MDM1: variants seen among roughly 807,000 people sequenced by gnomAD.
MDM1 encodes the protein Mdm1 nuclear protein.
In MDM1, 61 loss-of-function variants were observed where a neutral mutation model predicts 89.1. The ratio of observed to expected loss-of-function variants is 0.68; its 90% CI spans 0.56 to 0.85. The LOEUF is 0.85. MDM1 is among the 40% of genes least tolerant of loss of function. MDM1 has a pLI of 0.00. For synonymous variants in MDM1, 290 were observed against 294.1 expected, an observed-to-expected ratio of 0.99 and a Z score of 0.14; for missense variants, 820 against 846.5, an observed-to-expected ratio of 0.97 and a Z score of 0.39.
At position 68,326,948 on chromosome 12, in the gene MDM1, C is replaced by A; in HGVS notation, c.207G>T (p.Leu69=). 6.2e-7 allele frequency: 1 copy of A among 1,613,910 alleles called. No individual in the cohort carries two copies. The change falls in exon 3 of 15, where the codon CTG becomes CTT. Residue 69 remains leucine (L), a synonymous_variant. Transcript: ENST00000682720. ...TCTCTGAGATAGCTCCATTCCACTCCAGAGATTTTGAAATCTGTGGGTCAT... is the reference window on the plus strand; with the variant it reads ...TCTCTGAGATAGCTCCATTCCACTCAAGAGATTTTGAAATCTGTGGGTCAT... ...PYHDPQISKS[L]EWNGAISESN...
chr12:68,313,507 G>C lies in MDM1; in HGVS notation c.1685C>G (p.Pro562Arg). The C allele has an allele frequency of 6.2e-7, 1 of 1,613,680 alleles. No homozygotes were observed. The highest frequency in any genetic ancestry group is 8.5e-7 in the Non-Finnish European group (1 of 1,179,702). The change falls in exon 12 of 15, where the codon CCA (proline) becomes CGA (arginine). Residue 562 changes from proline (P) to arginine (R), a missense_variant. Coordinates refer to ENST00000682720, the MANE Select transcript of MDM1 (RefSeq NM_001354969.2). ...AGAGGTCATTCTTTTCCTCTGTTCTGGGGCTGGAGGCTTCATCTTAGATGG... is the reference window on the plus strand; with the variant it reads ...AGAGGTCATTCTTTTCCTCTGTTCTCGGGCTGGAGGCTTCATCTTAGATGG... Reference protein sequence around the residue: ...VSPSKMKPPAPEQRKRMTSQD... With the variant: ...VSPSKMKPPAREQRKRMTSQD...
chr12:68,302,957 A>G, intron 12 of MDM1, 85 bp from the exon 13 acceptor site: 8 of 1,245,080 alleles, frequency 6.4e-6, no homozygotes, highest in Non-Finnish European at 7.6e-6. Context: ...TGCAAAAAAC[A>G]TAACCAAAAA....
chr12:68,331,802 T>C (rs1480050), intron 1 of MDM1, among the ~76,000 whole-genome samples: 24,463 of 152,230 alleles, frequency 0.16, 2,629 homozygotes, highest in Admixed American at 0.25. Flanking sequence ...TATTTCTTTA[T>C]ACGCTGTCTT....
At chr12:68,326,545 A>G (rs1876009260) in intron 3 of MDM1, 112 bp downstream of exon 3, 1 of 1,608,314 alleles carries the variant, frequency 6.2e-7, no homozygotes, top group Non-Finnish European at 8.5e-7. Context: ...GACATTAGAC[A>G]AGAAAACAAC....
At chr12:68,329,306 C>T (rs1876454296) in intron 2 of MDM1, among the ~76,000 whole-genome samples, 1 of 152,226 alleles carries the variant, frequency 6.6e-6, no homozygotes. Context: ...GAGACACTCA[C>T]TCTTGCCCAC....
At chr12:68,301,498 T>C (rs561551795) in intron 13 of MDM1, among the ~76,000 whole-genome samples, 2 of 152,232 alleles carry the variant, frequency 1.3e-5, no homozygotes, top group Admixed American at 1.3e-4. Flanking sequence ...GGGTACAGTG[T>C]ACACTGCTTG....
chr12:68,307,335 T>A (rs552211412), intron 12 of MDM1, among the ~76,000 whole-genome samples: 33 of 152,200 alleles, frequency 2.2e-4, no homozygotes, highest in African/African-American at 7.0e-4. Flanking sequence ...ACGCTCTGAA[T>A]CTAAAATAAA....
chr12:68,318,033 C>T (rs1242001189), intron 7 of MDM1, among the ~76,000 whole-genome samples: 1 of 152,166 alleles, frequency 6.6e-6, no homozygotes, highest in Admixed American at 6.5e-5. Flanking sequence ...AGGGAAAACG[C>T]AGCACTTAAG....
intron 1 of MDM1, among the ~76,000 whole-genome samples, chr12:68,331,788 C>T (rs1204156333): frequency 6.6e-6 from 1 of 152,190 alleles, no homozygotes; most frequent in Non-Finnish European, 1.5e-5. Flanking sequence ...CGATGAAAAA[C>T]GTGTATTTCT....
intron 4 of MDM1, chr12:68,325,026 T>G (rs1875754571): frequency 2.0e-6 from 2 of 979,956 alleles, no homozygotes; most frequent in Non-Finnish European, 2.4e-6. Context: ...ATATTTTGTA[T>G]TTATTAAATA....
Position 68,313,437 on chromosome 12 carries a change from G to A in MDM1, c.1749+6C>T, listed in dbSNP as rs1310481247. ...TGAGATGCTTTTTTCCCCAAAACATGTTTACCTTAGTAAAATCATTCTTTG... is the reference window on the plus strand; with the variant it reads ...TGAGATGCTTTTTTCCCCAAAACATATTTACCTTAGTAAAATCATTCTTTG... On this transcript the variant is annotated splice_donor_region_variant and intron_variant, in intron 12 of 14. Transcript: ENST00000682720. The A allele has an allele frequency of 5.0e-6, 8 of 1,591,800 alleles. No individual in the cohort carries two copies. Among genetic ancestry groups the A allele is most frequent in the Non-Finnish European group, 6.9e-6 (8 of 1,160,456 alleles).
chr12:68,318,510 C>G (rs1213524492), intron 7 of MDM1, among the ~76,000 whole-genome samples: 1 of 152,126 alleles, frequency 6.6e-6, no homozygotes, highest in Non-Finnish European at 1.5e-5. Context: ...TATCAACAAT[C>G]TTTATTAATC....
In MDM1 at chr12:68,315,200, A is replaced by G. The variant is rs757996186; in HGVS notation, c.1277T>C (p.Ile426Thr). The G allele has an allele frequency of 3.7e-6, 6 of 1,614,004 alleles. No homozygotes were observed. The highest frequency in any genetic ancestry group is 3.3e-5 in the South Asian group (3 of 91,084). Residue 426 changes from isoleucine (I) to threonine (T), a missense_variant, in exon 10 of 15, where the codon ATC (isoleucine) becomes ACC (threonine). Transcript: ENST00000682720. ...ATTTTTCTGGGGCTGTTCTTCCACG[A>G]TATTTCCTTTTTCTTCTGGTTCTGT... Reference protein sequence around the residue: ...PSTEPEEKGNIVEEQPQKNTT... With the variant: ...PSTEPEEKGNTVEEQPQKNTT...
At chr12:68,331,321 T>C (rs1303227385) in intron 1 of MDM1, 100 bp from the exon 2 acceptor site, 12 of 756,642 alleles carry the variant, frequency 1.6e-5, no homozygotes, top group Non-Finnish European at 2.6e-5. Flanking sequence ...CAAAAGAGAC[T>C]TAAGACTGAA....
rs1871212843 is a variant in MDM1, at chr12:68,295,219, C to T, written c.*35G>A. On this transcript the variant is annotated 3_prime_UTR_variant, in exon 15 of 15. Transcript: ENST00000682720. Reference sequence around the variant, plus strand: ...AGTAAGCAATAAAGAAAAATTATGCCAATGTTTCCTTAGATAAAGGCAACT... The same window carrying T: ...AGTAAGCAATAAAGAAAAATTATGCTAATGTTTCCTTAGATAAAGGCAACT... 5.7e-6 allele frequency: 8 copies of T among 1,396,822 alleles called. 1 individual carries two copies. In the East Asian group the frequency reaches 1.9e-4, roughly 33 times the overall value. 86.5% of individuals were successfully genotyped at this position (1,396,822 alleles called of 1,614,324 possible). A position where few individuals can be genotyped will look rare whatever the true frequency, so the allele number is the denominator to read the frequency against.
chr12:68,300,947 A>G (rs1872069183), intron 13 of MDM1, among the ~76,000 whole-genome samples: 2 of 152,212 alleles, frequency 1.3e-5, no homozygotes, highest in African/African-American at 4.8e-5. Flanking sequence ...TAAGAAAATC[A>G]TACCAATTAT....
intron 13 of MDM1, among the ~76,000 whole-genome samples, chr12:68,302,216 C>T (rs1179412976): frequency 1.3e-5 from 2 of 152,148 alleles, no homozygotes; most frequent in Middle Eastern, 3.2e-3. Flanking sequence ...TTAACATTAA[C>T]GATGGAAGCC....
chr12:68,311,910 G>C (rs1353888212), intron 12 of MDM1, among the ~76,000 whole-genome samples: 1 of 151,970 alleles, frequency 6.6e-6, no homozygotes, highest in Non-Finnish European at 1.5e-5. Flanking sequence ...AGACCTCCAC[G>C]TTGCTAAATC....
intron 12 of MDM1, 113 bp from the exon 13 acceptor site, chr12:68,302,985 A>ACACAC: frequency 2.1e-6 from 2 of 966,798 alleles, no homozygotes; most frequent in Non-Finnish European, 2.9e-6. Context: ...GAGAAATATG[A>ACACAC]GAGAATTTAT....
Sources: allele counts gnomAD v4.1 joint callset (sites outside exome capture counted in the v4.1 genomes callset), GRCh38; gene constraint gnomAD v4.1.1; transcripts MANE v1.5; gene names NCBI Gene and HGNC (gene_info 2026-07-23, HGNC 2026-07-21).